Variants in SH3KBP1 observed in about 807,000 individuals in gnomAD.
SH3KBP1 encodes the protein SH3 domain-containing kinase-binding protein 1.
Under a neutral mutation model 50.1 loss-of-function variants are expected in SH3KBP1, and 8 were observed. The observed-to-expected ratio is 0.16, with a 90% CI of 0.09 to 0.29. The LOEUF is 0.29. SH3KBP1 is among the 10% of genes least tolerant of loss of function. The probability of loss-of-function intolerance (pLI) is 1.00; values close to 1 mark genes in which losing one functional copy is unlikely to be tolerated. For synonymous variants in SH3KBP1, 227 were observed against 218.6 expected, an observed-to-expected ratio of 1.04 and a Z score of -0.34; for missense variants, 377 against 535.2, an observed-to-expected ratio of 0.70 and a Z score of 2.92.
At chrX:19,644,925 G>A (rs2061955820) in intron 7 of SH3KBP1, among the ~76,000 whole-genome samples, 1 of 111,529 alleles carries the variant, frequency 9.0e-6, no homozygotes, top group African/African-American at 3.3e-5. Flanking sequence ...CCTCCTGCCT[G>A]CAGACATGCA....
intron 3 of SH3KBP1, among the ~76,000 whole-genome samples, chrX:19,716,118 C>T (rs1054066875): frequency 1.8e-5 from 2 of 111,886 alleles, no homozygotes; most frequent in African/African-American, 3.3e-5. Flanking sequence ...CAGTAGATTC[C>T]GAGTACAAGG....
intron 3 of SH3KBP1, among the ~76,000 whole-genome samples, chrX:19,720,935 T>C (rs1422822389): frequency 9.0e-6 from 1 of 111,362 alleles, no homozygotes; most frequent in Non-Finnish European, 1.9e-5. Flanking sequence ...TTTCCCAGTT[T>C]TTAAAATCAG....
At chrX:19,556,328 T>G (rs774952406) in intron 13 of SH3KBP1, among the ~76,000 whole-genome samples, 1 of 108,468 alleles carries the variant, frequency 9.2e-6, no homozygotes, top group East Asian at 2.9e-4. Flanking sequence ...GAGAAAACTC[T>G]AAACCCACAG....
chrX:19,686,455 C>T (rs1367916830), intron 5 of SH3KBP1, among the ~76,000 whole-genome samples: 1 of 111,259 alleles, frequency 9.0e-6, no homozygotes, highest in African/African-American at 3.3e-5. Context: ...GGGCTCATTA[C>T]AGGTAGGCAG....
At chrX:19,670,500 C>T in intron 6 of SH3KBP1, 7 of 270,891 alleles carry the variant, frequency 2.6e-5, no homozygotes, top group Non-Finnish European at 3.5e-5. Context: ...ACAGTTACCG[C>T]TTGTGCAAAC....
intron 5 of SH3KBP1, 36 bp from the exon 6 acceptor site, chrX:19,684,064 G>T: frequency 1.8e-6 from 2 of 1,119,329 alleles, no homozygotes; most frequent in Non-Finnish European, 2.5e-6. Flanking sequence ...AAAGAGCTCA[G>T]AAATCAGCCA....
chrX:19,710,888 C>T (rs769707694), intron 3 of SH3KBP1, among the ~76,000 whole-genome samples: 1 of 111,146 alleles, frequency 9.0e-6, no homozygotes, highest in African/African-American at 3.3e-5. Context: ...CTAGACCCCA[C>T]GGCCCCCTTC....
intron 2 of SH3KBP1, among the ~76,000 whole-genome samples, chrX:19,798,625 G>A (rs1318867424): frequency 1.8e-5 from 2 of 111,560 alleles, no homozygotes; most frequent in East Asian, 5.6e-4. Context: ...TGGGAGGCGG[G>A]TCACCTGGCC....
chrX:19,551,347 T>C (rs1249995138), intron 13 of SH3KBP1, among the ~76,000 whole-genome samples: 2 of 110,085 alleles, frequency 1.8e-5, no homozygotes, highest in African/African-American at 3.3e-5. Context: ...AGTACCTGAA[T>C]GAGGCTCATA....
intron 8 of SH3KBP1, among the ~76,000 whole-genome samples, chrX:19,624,358 T>C (rs1242606555): frequency 2.7e-5 from 3 of 111,716 alleles, no homozygotes; most frequent in Admixed American, 9.5e-5. Flanking sequence ...CCTGCCACTT[T>C]AGCACAACAT....
At chrX:19,647,174 G>A (rs1281751494) in intron 6 of SH3KBP1, among the ~76,000 whole-genome samples, 1 of 110,021 alleles carries the variant, frequency 9.1e-6, no homozygotes, top group Admixed American at 9.7e-5. Context: ...ACATTAGGAA[G>A]AGGAAAACAA....
At chrX:19,635,874 C>T (rs2061691128) in intron 7 of SH3KBP1, among the ~76,000 whole-genome samples, 1 of 111,479 alleles carries the variant, frequency 9.0e-6, no homozygotes, top group Non-Finnish European at 1.9e-5. Flanking sequence ...CATAAACTCA[C>T]TATGATGGAA....
At chrX:19,627,826 A>G (rs1210787043) in intron 8 of SH3KBP1, among the ~76,000 whole-genome samples, 2 of 112,245 alleles carry the variant, frequency 1.8e-5, no homozygotes, top group East Asian at 5.6e-4. Context: ...CAATGATACC[A>G]AAGTAAATGT....
chrX:19,860,297 A>T (rs1322768396), intron 1 of SH3KBP1, among the ~76,000 whole-genome samples: 1 of 109,144 alleles, frequency 9.2e-6, no homozygotes, highest in African/African-American at 3.3e-5. Flanking sequence ...AAAAAAAAAA[A>T]AAAAAAGAAG....
intron 2 of SH3KBP1, among the ~76,000 whole-genome samples, chrX:19,834,527 C>T (rs1200926348): frequency 8.9e-6 from 1 of 112,040 alleles, no homozygotes; most frequent in Non-Finnish European, 1.9e-5. Flanking sequence ...GAGGAATAGC[C>T]TCCAGGTGAT....
intron 2 of SH3KBP1, among the ~76,000 whole-genome samples, chrX:19,788,053 G>A (rs1678716946): frequency 9.0e-6 from 1 of 110,952 alleles, no homozygotes; most frequent in Non-Finnish European, 1.9e-5. Flanking sequence ...AGATGATCAA[G>A]TTAAAATTAG....
intron 8 of SH3KBP1, among the ~76,000 whole-genome samples, chrX:19,620,556 G>A (rs1412369514): frequency 2.7e-5 from 3 of 111,956 alleles, no homozygotes; most frequent in Non-Finnish European, 1.9e-5. Flanking sequence ...CCAGGCCCTC[G>A]GGCTGCTCAG....
chrX:19,816,783 G>A (rs925735271), intron 2 of SH3KBP1, among the ~76,000 whole-genome samples: 4 of 111,809 alleles, frequency 3.6e-5, no homozygotes, highest in Non-Finnish European at 7.5e-5. Flanking sequence ...ACTCTAGCCT[G>A]GGCAACGGAG....
At chrX:19,887,256 G>A in intron 1 of SH3KBP1, 51 bp downstream of exon 1, 1 of 961,722 alleles carries the variant, frequency 1.0e-6, no homozygotes. Context: ...GGACTGGCGC[G>A]CCGCCCTCAA....
Sources: gnomAD v4.1 joint callset for allele counts (sites outside exome capture counted in the v4.1 genomes callset) on GRCh38, gnomAD v4.1.1 for gene constraint, MANE v1.5 for transcripts, NCBI Gene and HGNC (gene_info 2026-07-23, HGNC 2026-07-21) for gene names.